PLAC1: variants seen among roughly 807,000 people sequenced by gnomAD.
PLAC1 encodes placenta associated 1.
For synonymous variants in PLAC1, 68 were observed against 62.1 expected, an observed-to-expected ratio of 1.09 and a Z score of -0.44; for missense variants, 136 against 163.2, an observed-to-expected ratio of 0.83 and a Z score of 0.91.
At chrX:134,626,193 G>A (rs1033994734) in intron 1 of PLAC1, among the ~76,000 whole-genome samples, 1 of 111,667 alleles carries the variant, frequency 9.0e-6, no homozygotes, top group Non-Finnish European at 1.9e-5. Context: ...CCACCATGGC[G>A]ACACCATCCT....
At chrX:134,660,423 G>A (rs1046105987), upstream of PLAC1, among the ~76,000 whole-genome samples, 10 of 111,881 alleles carry the variant, frequency 8.9e-5, no homozygotes, top group African/African-American at 3.3e-4. Flanking sequence ...GTTTTAAAAA[G>A]GAATAGAAAC....
chrX:134,625,989 G>A (rs2078235448), intron 1 of PLAC1, among the ~76,000 whole-genome samples: 1 of 111,299 alleles, frequency 9.0e-6, no homozygotes, highest in Non-Finnish European at 1.9e-5. Context: ...GGTCCTCTGT[G>A]CCCTGAGCAA....
chrX:134,697,398 A>G (rs768174698), intron 2 of PLAC1, among the ~76,000 whole-genome samples: 1 of 112,372 alleles, frequency 8.9e-6, no homozygotes, highest in East Asian at 2.8e-4. Context: ...GGAAAATAGA[A>G]GACCTTTTAT....
chrX:134,575,745 G>A (rs1351975371), intron 2 of PLAC1, among the ~76,000 whole-genome samples: 6 of 102,385 alleles, frequency 5.9e-5, no homozygotes, highest in Non-Finnish European at 1.2e-4. Context: ...CTCCAGCGTG[G>A]GCGACAGAAT....
intron 1 of PLAC1, among the ~76,000 whole-genome samples, chrX:134,734,862 C>T (rs938019175): frequency 4.5e-5 from 5 of 110,590 alleles, no homozygotes; most frequent in Admixed American, 2.9e-4. Context: ...GCCTCCCTCC[C>T]CACCACCTCC....
intron 2 of PLAC1, among the ~76,000 whole-genome samples, chrX:134,707,393 T>C (rs78447568): frequency 2.0e-4 from 22 of 112,329 alleles, no homozygotes; most frequent in African/African-American, 5.8e-4. Context: ...CCATGTTGGT[T>C]TGCTGCACCC....
intron 2 of PLAC1, among the ~76,000 whole-genome samples, chrX:134,700,716 G>A (rs748315695): frequency 9.0e-6 from 1 of 111,212 alleles, no homozygotes; most frequent in Non-Finnish European, 1.9e-5. Context: ...AAAATACCTA[G>A]GAATACATCT....
intron 1 of PLAC1, among the ~76,000 whole-genome samples, chrX:134,739,120 G>A (rs1198747159): frequency 1.2e-4 from 13 of 111,779 alleles, no homozygotes; most frequent in Admixed American, 1.1e-3. Context: ...TTTAAGACTC[G>A]TGGGAACAGT....
chrX:134,592,835 C>A (rs543367299), intron 2 of PLAC1, among the ~76,000 whole-genome samples: 5 of 107,364 alleles, frequency 4.7e-5, no homozygotes, highest in African/African-American at 1.7e-4. Flanking sequence ...ATGCCATTCT[C>A]CTGTCTCAGC....
At chrX:134,667,301 C>T (rs1473865175) in intron 2 of PLAC1, among the ~76,000 whole-genome samples, 1 of 112,082 alleles carries the variant, frequency 8.9e-6, no homozygotes, top group Non-Finnish European at 1.9e-5. Context: ...ATCTAGATTA[C>T]ATGCAAAACA....
At chrX:134,744,054 C>T (rs376120766) in intron 1 of PLAC1, among the ~76,000 whole-genome samples, 11 of 111,598 alleles carry the variant, frequency 9.9e-5, no homozygotes, top group African/African-American at 2.3e-4. Flanking sequence ...GAGGCCGAGG[C>T]GGGTGGATCA....
chrX:134,589,996 C>T (rs2078028122), intron 2 of PLAC1, among the ~76,000 whole-genome samples: 1 of 105,506 alleles, frequency 9.5e-6, no homozygotes, highest in Non-Finnish European at 1.9e-5. Flanking sequence ...GAGATCAAGA[C>T]CATCCTGGCT....
intron 1 of PLAC1, among the ~76,000 whole-genome samples, chrX:134,608,043 T>C (rs2078131641): frequency 8.9e-6 from 1 of 111,987 alleles, no homozygotes; most frequent in Admixed American, 9.5e-5. Flanking sequence ...AAAAGAAAAA[T>C]ACAAATATAT....
intron 2 of PLAC1, among the ~76,000 whole-genome samples, chrX:134,590,485 G>C (rs1409806651): frequency 8.9e-6 from 1 of 112,218 alleles, no homozygotes; most frequent in Non-Finnish European, 1.9e-5. Context: ...GTATTAGATA[G>C]TTGATCTCAA....
chrX:134,626,672 C>G (rs1266656605), intron 1 of PLAC1, among the ~76,000 whole-genome samples: 2 of 111,785 alleles, frequency 1.8e-5, no homozygotes, highest in East Asian at 5.6e-4. Flanking sequence ...GGGGAGGTGC[C>G]AAGCAGAACT....
intron 2 of PLAC1, among the ~76,000 whole-genome samples, chrX:134,586,796 G>A (rs934955132): frequency 2.9e-5 from 3 of 103,167 alleles, no homozygotes; most frequent in Admixed American, 2.1e-4. Context: ...TCAGCCTCCC[G>A]AGTAGCTGGG....
chrX:134,600,627 G>C (rs1602822657), intron 2 of PLAC1, among the ~76,000 whole-genome samples: 1 of 110,500 alleles, frequency 9.0e-6, no homozygotes, highest in East Asian at 2.8e-4. Flanking sequence ...CTCTAGCATG[G>C]GCAACAGAGT....
intron 2 of PLAC1, among the ~76,000 whole-genome samples, chrX:134,597,990 A>G (rs2078070014): frequency 9.0e-6 from 1 of 111,676 alleles, no homozygotes; most frequent in Non-Finnish European, 1.9e-5. Flanking sequence ...GTCCTTAGTC[A>G]GTCTATCTTC....
intron 2 of PLAC1, among the ~76,000 whole-genome samples, chrX:134,670,775 G>T (rs763927618): frequency 8.9e-6 from 1 of 111,991 alleles, no homozygotes; most frequent in African/African-American, 3.3e-5. Context: ...AAGCAGTCAC[G>T]GGCACCTTTG....
Sources: gnomAD v4.1 joint callset for allele counts (sites outside exome capture counted in the v4.1 genomes callset) on GRCh38, gnomAD v4.1.1 for gene constraint, MANE v1.5 for transcripts, NCBI Gene and HGNC (gene_info 2026-07-23, HGNC 2026-07-21) for gene names.